The following DLC1 variants were observed in gnomAD, a reference collection of about 807,000 sequenced individuals.
DLC1 encodes the protein rho GTPase-activating protein 7.
A neutral mutation model predicts 140.3 loss-of-function variants in DLC1; 54 were observed. The ratio of observed to expected loss-of-function variants is 0.38; its 90% CI spans 0.31 to 0.48. DLC1 has a LOEUF of 0.48. Ranked by LOEUF, DLC1 falls within the 20% of genes least tolerant of loss-of-function variation. DLC1 has a pLI of 0.96. For missense variants in DLC1, 2,536 were observed against 1,907.0 expected (o/e 1.33, Z -6.14); for synonymous variants, 986 against 728.1 (o/e 1.35, Z -5.70).
intron 4 of DLC1, among the ~76,000 whole-genome samples, chr8:13,391,146 T>G (rs112465108): frequency 0.017 from 2,565 of 152,114 alleles, 103 homozygotes; most frequent in African/African-American, 0.057. Context: ...TTTACTAAAT[T>G]ATAGTCCAGT....
intron 5 of DLC1, among the ~76,000 whole-genome samples, chr8:13,221,248 G>T (rs1476672410): frequency 2.6e-5 from 4 of 152,076 alleles, no homozygotes; most frequent in African/African-American, 4.8e-5. Flanking sequence ...TACGCAGACA[G>T]CACACCCAAA....
rs534701997 is a variant in DLC1 at position 13,188,611 on chromosome 8, T to C, written c.1349-72954A>G. ...CTATACAATGTCTATTACTTTTTTT[T>C]TTTTTTTTTTTGAGACAGAGTCTTG... On this transcript the variant is annotated intron_variant, in intron 5 of 17. Transcript: ENST00000276297. 8.5e-5 allele frequency among the ~76,000 whole-genome samples: 12 copies of C among 141,604 alleles called. No individual in the cohort carries two copies. The South Asian group carries it at 2.3e-3, about 27-fold the overall frequency. The allele number at this position is 141,604 out of a possible 152,430, so 92.9% of individuals were successfully genotyped here. A position where few individuals can be genotyped will look rare whatever the true frequency, so the allele number is the denominator to read the frequency against.
intron 2 of DLC1, among the ~76,000 whole-genome samples, chr8:13,466,356 G>T (rs1299015432): frequency 1.3e-5 from 2 of 152,144 alleles, no homozygotes; most frequent in African/African-American, 2.4e-5. Flanking sequence ...AAACACTTCT[G>T]TTGTTTCATG....
In DLC1 at chr8:13,095,204, T is replaced by G; in HGVS notation, c.3209A>C (p.Tyr1070Ser). 1.9e-6 allele frequency: 3 copies of G among 1,614,254 alleles called. No individual in the cohort carries two copies. The highest frequency in any genetic ancestry group is 2.5e-6 in the Non-Finnish European group (3 of 1,180,054). The part of the protein sequence containing the change: ...KFMKRIKVPD[Y>S]KDRSVFGVPL... ...GACCCCAAACACACTCCGGTCCTTG[T>G]AGTCTGGAACCTTGATCCTCTTCAT... Residue 1070 changes from tyrosine (Y) to serine (S), a missense_variant, in exon 11 of 18, where the codon TAC (tyrosine) becomes TCC (serine). Coordinates refer to ENST00000276297, the MANE Select transcript of DLC1 (RefSeq NM_182643.3).
At chr8:13,143,844 G>GAGAGAGAGAGAGAGAGAGAC (rs1554584116) in intron 5 of DLC1, among the ~76,000 whole-genome samples, 1 of 148,168 alleles carries the variant, frequency 6.7e-6, no homozygotes, top group Non-Finnish European at 1.5e-5. Context: ...GAGAGAGAGA[G>GAGAGAGAGAGAGAGAGAGAC]AGAGAGAGAC....
intron 5 of DLC1, among the ~76,000 whole-genome samples, chr8:13,120,959 G>T (rs1231709426): frequency 6.6e-6 from 1 of 152,034 alleles, no homozygotes; most frequent in Non-Finnish European, 1.5e-5. Flanking sequence ...ACAGTAATTG[G>T]GTCTAAACAA....
intron 1 of DLC1, among the ~76,000 whole-genome samples, chr8:13,593,554 G>A (rs1240968841): frequency 2.0e-5 from 3 of 152,106 alleles, no homozygotes; most frequent in African/African-American, 7.2e-5. Flanking sequence ...AGGCTAATGT[G>A]AAAGAGTGAA....
chr8:13,491,960 A>T (rs1801266832), intron 2 of DLC1, among the ~76,000 whole-genome samples: 1 of 152,244 alleles, frequency 6.6e-6, no homozygotes, highest in Non-Finnish European at 1.5e-5. Context: ...AATTGTGCTC[A>T]GTGAGCTACA....
intron 4 of DLC1, among the ~76,000 whole-genome samples, chr8:13,321,928 A>T (rs1318289753): frequency 6.6e-6 from 1 of 152,144 alleles, no homozygotes; most frequent in Non-Finnish European, 1.5e-5. Flanking sequence ...ATTCCTGCAA[A>T]TATTTTTTTT....
intron 4 of DLC1, among the ~76,000 whole-genome samples, chr8:13,330,298 G>T (rs1833532794): frequency 6.6e-6 from 1 of 152,134 alleles, no homozygotes; most frequent in African/African-American, 2.4e-5. Flanking sequence ...CCTTTGGCTG[G>T]TTGACTCATC....
intron 1 of DLC1, among the ~76,000 whole-genome samples, chr8:13,533,550 T>C (rs1284526251): frequency 6.6e-6 from 1 of 152,186 alleles, no homozygotes; most frequent in Non-Finnish European, 1.5e-5. Flanking sequence ...AAGTAGACAA[T>C]GTTAGCTCAA....
intron 5 of DLC1, among the ~76,000 whole-genome samples, chr8:13,240,681 C>A (rs1251075167): frequency 1.3e-5 from 2 of 152,196 alleles, no homozygotes; most frequent in Admixed American, 6.5e-5. Flanking sequence ...AGTCCTTCCA[C>A]CTAGACCTCC....
chr8:13,489,959 T>G (rs563204009), intron 2 of DLC1, among the ~76,000 whole-genome samples: 20 of 152,338 alleles, frequency 1.3e-4, no homozygotes, highest in African/African-American at 4.8e-4. Flanking sequence ...AATGAGATTT[T>G]CCATTTTACT....
chr8:13,487,566 A>G (rs1158208490), intron 2 of DLC1, among the ~76,000 whole-genome samples: 1 of 151,942 alleles, frequency 6.6e-6, no homozygotes, highest in Non-Finnish European at 1.5e-5. Flanking sequence ...TTAGAGTTAG[A>G]AAATGTTTTC....
chr8:13,214,986 C>A (rs1729146), intron 5 of DLC1, among the ~76,000 whole-genome samples: 3,714 of 152,228 alleles, frequency 0.024, 146 homozygotes, highest in African/African-American at 0.085. Context: ...AGTACACACA[C>A]AATATGTGCC....
chr8:13,235,410 G>C (rs1829230938), intron 5 of DLC1, among the ~76,000 whole-genome samples: 1 of 152,020 alleles, frequency 6.6e-6, no homozygotes, highest in Non-Finnish European at 1.5e-5. Context: ...TCTCCTCAAA[G>C]CTTATGGCCA....
chr8:13,369,355 G>A (rs11203480), intron 4 of DLC1, among the ~76,000 whole-genome samples: 89,941 of 135,624 alleles, frequency 0.66, 29,470 homozygotes, highest in East Asian at 0.84. Context: ...TGGCTGGGTC[G>A]AAAAAAAAAA....
chr8:13,413,714 C>G (rs1037617398), intron 2 of DLC1, among the ~76,000 whole-genome samples: 1 of 151,998 alleles, frequency 6.6e-6, no homozygotes, highest in African/African-American at 2.4e-5. Flanking sequence ...GGTGTTTTCC[C>G]CTGCTCTATT....
At chr8:13,426,112 A>AATT (rs145396626) in intron 2 of DLC1, among the ~76,000 whole-genome samples, 14 of 151,800 alleles carry the variant, frequency 9.2e-5, no homozygotes, top group Admixed American at 3.9e-4. Context: ...CCTGTATGGC[A>AATT]ATTATTATTA....
Sources: allele counts gnomAD v4.1 joint callset (sites outside exome capture counted in the v4.1 genomes callset), GRCh38; gene constraint gnomAD v4.1.1; transcripts MANE v1.5; gene names NCBI Gene and HGNC (gene_info 2026-07-23, HGNC 2026-07-21).